KIF21B: variants seen among roughly 807,000 people sequenced by gnomAD.
The protein encoded by KIF21B is kinesin family member 21B, also known as kinesin-like protein KIF21B.
Under a neutral mutation model 192.9 loss-of-function variants are expected in KIF21B, and 85 were observed. That is an observed-to-expected ratio of 0.44 (90% CI 0.37 to 0.53). The LOEUF is 0.53. Ranked by LOEUF, KIF21B falls within the 20% of genes least tolerant of loss-of-function variation. The pLI is 0.00. For missense variants in KIF21B, 1,716 were observed against 2,194.8 expected (o/e 0.78, Z 4.36); for synonymous variants, 832 against 884.6 (o/e 0.94, Z 1.05).
chr1:200,991,010 G>A lies in KIF21B; in HGVS notation c.2594C>T (p.Ser865Phe). The change falls in exon 18 of 35, where the codon TCT (serine) becomes TTT (phenylalanine). Residue 865 changes from serine to phenylalanine, a missense_variant. By Grantham distance (155) the Ser-to-Phe change is radical. Coordinates refer to ENST00000461742, the MANE Select transcript of KIF21B (RefSeq NM_001252102.2). Reference sequence around the variant, plus strand: ...CCACTGGCGCACGATGCTGGAGACAGAGCGGGCCCCTGATTCAGCCTCAGA... The same window carrying A: ...CCACTGGCGCACGATGCTGGAGACAAAGCGGGCCCCTGATTCAGCCTCAGA... ...TSSEAESGAR[S>F]VSSIVRQWNR... 1 of 1,614,204 alleles carries A rather than the reference G, an allele frequency of 6.2e-7. No homozygotes were observed. The highest frequency in any genetic ancestry group is 8.5e-7 in the Non-Finnish European group (1 of 1,180,044).
chr1:200,974,031 G>T (rs1260831390), intron 34 of KIF21B: 10 of 1,582,354 alleles, frequency 6.3e-6, no homozygotes, highest in East Asian at 2.3e-5. Context: ...GATCGAAGTG[G>T]GGAAAGAGAG....
At chr1:200,984,806 C>T (rs1656178951) in intron 27 of KIF21B, 53 bp downstream of exon 27, 3 of 1,330,890 alleles carry the variant, frequency 2.3e-6, no homozygotes, top group Admixed American at 2.5e-5. Flanking sequence ...CATCCACAGG[C>T]TCCCCATTGC....
chr1:200,974,104 G>C, intron 34 of KIF21B: 1 of 1,611,848 alleles, frequency 6.2e-7, no homozygotes, highest in Non-Finnish European at 8.5e-7. Flanking sequence ...GTCAGGGCAG[G>C]GTGGTGGCGC....
rs967817875 is a variant in KIF21B, at chr1:200,988,235, G to C, written c.3408+61C>G. The stretch of plus-strand genomic sequence containing the variant: ...GTGGAGCAGAGCCACAGTAAGCGGT[G>C]AACAGGCTGTGTGGAGGCTGGCCCT... On this transcript the variant is annotated intron_variant, in intron 24 of 34. Transcript: ENST00000461742. 20 of 1,467,726 alleles carry C rather than the reference G, an allele frequency of 1.4e-5. No homozygotes were observed. The African/African-American group carries it at 2.6e-4, about 19-fold the overall frequency. 90.9% of individuals were successfully genotyped at this position (1,467,726 alleles called of 1,614,324 possible). A position where few individuals can be genotyped will look rare whatever the true frequency, so the allele number is the denominator to read the frequency against.
intron 16 of KIF21B, among the ~76,000 whole-genome samples, 183 bp from the exon 17 acceptor site, chr1:200,991,908 GCTTT>G (rs1268178143): frequency 6.6e-6 from 1 of 152,270 alleles, no homozygotes; most frequent in Admixed American, 6.5e-5. Context: ...AGTGAAAACT[GCTTT>G]CTCCACAAGG....
chr1:201,012,123 C>T (rs778265605), intron 1 of KIF21B, among the ~76,000 whole-genome samples: 1 of 152,166 alleles, frequency 6.6e-6, no homozygotes, highest in Non-Finnish European at 1.5e-5. Flanking sequence ...CACCCTGGGG[C>T]CCTTTTTTGG....
At chr1:200,988,258 C>T (rs759450964) in intron 24 of KIF21B, 38 bp downstream of exon 24, 3 of 1,591,538 alleles carry the variant, frequency 1.9e-6, no homozygotes, top group East Asian at 4.5e-5. Context: ...GGAGGCTGGC[C>T]CTGCTGCACC....
intron 1 of KIF21B, among the ~76,000 whole-genome samples, chr1:201,020,661 C>A (rs1658764696): frequency 6.6e-6 from 1 of 152,188 alleles, no homozygotes. Flanking sequence ...AAAGTTTCCT[C>A]CTCCGGCTCT....
intron 15 of KIF21B, 71 bp downstream of exon 15, chr1:200,996,125 C>T (rs141522476): frequency 1.6e-4 from 227 of 1,405,578 alleles, no homozygotes; most frequent in Non-Finnish European, 2.2e-4. Flanking sequence ...ATTATTTTTA[C>T]GATGGTGAGT....
Position 200,969,813 on chromosome 1 carries a change from G to C in KIF21B, c.*3708C>G, listed in dbSNP as rs936056571. 3.3e-5 allele frequency: 5 copies of C among 152,484 alleles called. No individual in the cohort carries two copies. The highest frequency in any genetic ancestry group is 1.2e-4 in the African/African-American group (5 of 41,474). 9.4% of individuals were successfully genotyped at this position (152,484 alleles called of 1,614,324 possible). On this transcript the variant is annotated 3_prime_UTR_variant, in exon 35 of 35. Coordinates refer to ENST00000461742, the MANE Select transcript of KIF21B (RefSeq NM_001252102.2). The stretch of plus-strand genomic sequence containing the variant: ...GAACAAAGGTATCAAAGAAGAAACA[G>C]AACTTTCCCTGCAAAATCTGTCCTT...
rs1317745428 is a variant in KIF21B at position 200,990,431 on chromosome 1, T to TC, written c.2836-100dup. Reference sequence around the variant, plus strand: ...TTCCACCACAGGCTGGCCTGTGAGGTCCCCCCAGCACCTCTGGATTCCAGA... The same window carrying TC: ...TTCCACCACAGGCTGGCCTGTGAGGTCCCCCCCAGCACCTCTGGATTCCAGA... On this transcript the variant is annotated intron_variant, in intron 19 of 34. Transcript: ENST00000461742. The surrounding 1 kb of genome is among the most constrained non-coding windows in gnomAD (Gnocchi z 5.4). 9 of 1,464,858 alleles carry TC rather than the reference T, an allele frequency of 6.1e-6. No homozygotes were observed. The highest frequency in any genetic ancestry group is 1.3e-5 in the South Asian group (1 of 78,812). The allele number at this position is 1,464,858 out of a possible 1,614,324, so 90.7% of individuals were successfully genotyped here.
intron 3 of KIF21B, among the ~76,000 whole-genome samples, chr1:201,007,457 C>T (rs1657950415): frequency 6.6e-6 from 1 of 150,978 alleles, no homozygotes; most frequent in South Asian, 2.1e-4. Context: ...CACAAACATA[C>T]ACACACACAG....
intron 24 of KIF21B, among the ~76,000 whole-genome samples, 182 bp from the exon 25 acceptor site, chr1:200,987,383 G>A (rs1187009045): frequency 6.7e-6 from 1 of 150,242 alleles, no homozygotes; most frequent in Non-Finnish European, 1.5e-5. Context: ...TGAGACTACA[G>A]GCACGTGCCA....
rs1385938878 is a variant in KIF21B, at chr1:201,006,837, GACACAGACACAGAGAC to G, written c.448-1159_448-1144del. 1.0e-4 allele frequency among the ~76,000 whole-genome samples: 15 copies of G among 150,596 alleles called. No homozygotes were observed. In the East Asian group the frequency reaches 2.7e-3, roughly 27 times the overall value. ...CCACATAAAGACACAGAGATACACA[GACACAGACACAGAGAC>G]ACACAGACACACACACACACAGACA... On this transcript the variant is annotated intron_variant, in intron 3 of 34. Transcript: ENST00000461742.
chr1:200,991,526 G>C (rs996956311), intron 17 of KIF21B, 131 bp downstream of exon 17: 4 of 930,428 alleles, frequency 4.3e-6, no homozygotes, highest in Non-Finnish European at 5.0e-6. Flanking sequence ...GGCTCTGGCA[G>C]AACTGGGAAA....
At chr1:200,974,144 A>T in intron 34 of KIF21B, 1 of 1,598,384 alleles carries the variant, frequency 6.3e-7, no homozygotes, top group Non-Finnish European at 8.5e-7. Context: ...TCGGCGAGGA[A>T]GGCAGGGGGT....
At chr1:201,012,177 C>T (rs1658270126) in intron 1 of KIF21B, among the ~76,000 whole-genome samples, 1 of 152,304 alleles carries the variant, frequency 6.6e-6, no homozygotes, top group South Asian at 2.1e-4. Flanking sequence ...CAGAAAGAGA[C>T]GTCCAGCCCA....
chr1:201,010,526 G>A (rs987197038), intron 1 of KIF21B, among the ~76,000 whole-genome samples: 1 of 152,136 alleles, frequency 6.6e-6, no homozygotes. Flanking sequence ...ACAGGGATTG[G>A]CGGAAAGCAC....
chr1:201,008,723 T>C (rs758172187), intron 3 of KIF21B, 46 bp downstream of exon 3: 2 of 1,525,828 alleles, frequency 1.3e-6, no homozygotes, highest in Admixed American at 3.8e-5. Flanking sequence ...CATGGTCCTG[T>C]TGTCCACCAA....
Sources: allele counts gnomAD v4.1 joint callset (sites outside exome capture counted in the v4.1 genomes callset), GRCh38; gene constraint gnomAD v4.1.1; non-coding constraint Gnocchi (gnomAD v3.1); transcripts MANE v1.5; gene names NCBI Gene and HGNC (gene_info 2026-07-23, HGNC 2026-07-21).